ATXN7L1: variants seen among roughly 807,000 people sequenced by gnomAD.
ATXN7L1 encodes ataxin-7-like protein 1.
Under a neutral mutation model 70.8 loss-of-function variants are expected in ATXN7L1, and 15 were observed. The ratio of observed to expected loss-of-function variants is 0.21; its 90% confidence interval spans 0.14 to 0.33. The LOEUF (loss-of-function observed/expected upper bound fraction) is 0.33. Ranked by LOEUF, ATXN7L1 falls within the 10% of genes least tolerant of loss-of-function variation. The probability of loss-of-function intolerance (pLI) is 1.00; values close to 1 mark genes in which losing one functional copy is unlikely to be tolerated. For synonymous variants in ATXN7L1, 440 were observed against 445.1 expected, an observed-to-expected ratio of 0.99 and a Z score of 0.14; for missense variants, 975 against 1,097.1, an observed-to-expected ratio of 0.89 and a Z score of 1.57.
At chr7:105,858,403 A>C (rs1272154708) in intron 2 of ATXN7L1, among the ~76,000 whole-genome samples, 1 of 152,228 alleles carries the variant, frequency 6.6e-6, no homozygotes, top group Non-Finnish European at 1.5e-5. Context: ...AACCAATAAA[A>C]GCAGATCAGA....
At chr7:105,656,095 C>T (rs1800591901) in intron 4 of ATXN7L1, among the ~76,000 whole-genome samples, 1 of 152,264 alleles carries the variant, frequency 6.6e-6, no homozygotes, top group South Asian at 2.1e-4. Context: ...TCCTGCCCAC[C>T]TCAGCCTACA....
intron 4 of ATXN7L1, among the ~76,000 whole-genome samples, chr7:105,659,731 T>C (rs1169558513): frequency 1.3e-5 from 2 of 152,020 alleles, no homozygotes; most frequent in African/African-American, 4.8e-5. Flanking sequence ...CTGTTCTTCT[T>C]CTTCTCACAC....
chr7:105,874,977 A>T (rs912067163), intron 2 of ATXN7L1: 1 of 152,312 alleles, frequency 6.6e-6, no homozygotes, highest in Non-Finnish European at 1.5e-5. Context: ...TGTTTATAAG[A>T]CATCAGTTAG....
At chr7:105,819,311 G>C (rs1271451647) in intron 2 of ATXN7L1, among the ~76,000 whole-genome samples, 1 of 151,992 alleles carries the variant, frequency 6.6e-6, no homozygotes, top group African/African-American at 2.4e-5. Flanking sequence ...CCTCATACGA[G>C]TTTGTACATT....
At chr7:105,655,801 G>A (rs1800536081) in intron 4 of ATXN7L1, among the ~76,000 whole-genome samples, 1 of 152,186 alleles carries the variant, frequency 6.6e-6, no homozygotes, top group Non-Finnish European at 1.5e-5. Context: ...GTTGCTCCGG[G>A]AAGACCCGCC....
chr7:105,614,149 T>A lies in ATXN7L1; in HGVS notation c.2185A>T (p.Ile729Leu). The change falls in exon 10 of 12, where the codon ATA (isoleucine) becomes TTA (leucine). Residue 729 changes from isoleucine to leucine, a missense_variant. Physicochemically the swap from Ile to Leu is conservative, Grantham distance 5 (BLOSUM62 2). Transcript: ENST00000419735. This position sits in a 1 kb window ranked among gnomAD's most constrained non-coding sequence, Gnocchi z 4.3. ...RTSLPGGPAD[I>L]VRQVGAVGGS... is the part of the protein sequence containing the mutation. ...CCCACCGCGCCCACCTGTCTCACTATGTCCGCGGGGCCGCCGGGCAGCGAG... is the reference window on the plus strand; with the variant it reads ...CCCACCGCGCCCACCTGTCTCACTAAGTCCGCGGGGCCGCCGGGCAGCGAG... The A allele has an allele frequency of 1.9e-6, 3 of 1,551,680 alleles. No individual in the cohort carries two copies. Among genetic ancestry groups the A allele is most frequent in the Non-Finnish European group, 2.6e-6 (3 of 1,146,984 alleles).
chr7:105,670,975 G>A (rs1232541174), intron 3 of ATXN7L1, among the ~76,000 whole-genome samples: 6 of 151,940 alleles, frequency 3.9e-5, no homozygotes, highest in Non-Finnish European at 8.8e-5. Context: ...GCGAGGTGGC[G>A]GGCGCCTGTT....
chr7:105,671,529 C>T (rs1473502031), intron 3 of ATXN7L1, among the ~76,000 whole-genome samples: 2 of 152,122 alleles, frequency 1.3e-5, no homozygotes, highest in African/African-American at 4.8e-5. Context: ...TCAATAACAA[C>T]CTCAGTGAAT....
intron 3 of ATXN7L1, among the ~76,000 whole-genome samples, chr7:105,690,896 C>T (rs1790708972): frequency 6.6e-6 from 1 of 152,180 alleles, no homozygotes; most frequent in Non-Finnish European, 1.5e-5. Flanking sequence ...TTAGTTCTTA[C>T]TCAAACATGC....
At chr7:105,761,177 C>T in intron 3 of ATXN7L1, 1 of 1,309,718 alleles carries the variant, frequency 7.6e-7, no homozygotes. Context: ...AGAAGAACCC[C>T]ACAGGTACCC....
At chr7:105,803,299 AG>A (rs1807089787) in intron 2 of ATXN7L1, among the ~76,000 whole-genome samples, 2 of 152,248 alleles carry the variant, frequency 1.3e-5, no homozygotes, top group Admixed American at 1.3e-4. Flanking sequence ...GAAATGGCCA[AG>A]GGCCCTTCTT....
At chr7:105,746,099 G>C (rs559392526) in intron 3 of ATXN7L1, among the ~76,000 whole-genome samples, 1 of 152,000 alleles carries the variant, frequency 6.6e-6, no homozygotes, top group African/African-American at 2.4e-5. Flanking sequence ...AGCAAATCAC[G>C]TGGGCCCTAT....
chr7:105,816,468 A>G (rs1809209968), intron 2 of ATXN7L1, among the ~76,000 whole-genome samples: 1 of 152,218 alleles, frequency 6.6e-6, no homozygotes, highest in South Asian at 2.1e-4. Context: ...AGAAAGAGGA[A>G]GTATTACAAA....
rs368752851 is a variant in ATXN7L1 at position 105,636,444 on chromosome 7, T to TCC, written c.1202+1908_1202+1909insGG. ...GTTACCAACCTGTGTAATGTGTTCC[T>TCC]CTGCCCCCCCCACCCCCACTTCTTT... On this transcript the variant is annotated intron_variant, in intron 7 of 11. Transcript: ENST00000419735. Among the ~76,000 whole-genome samples the TCC allele has an allele frequency of 3.9e-3, 472 of 120,436 alleles. 3 individuals are homozygous for TCC. Among genetic ancestry groups the TCC allele is most frequent in the African/African-American group, 0.011 (396 of 36,660 alleles). The allele number at this position is 120,436 out of a possible 152,430, so 79.0% of individuals were successfully genotyped here.
chr7:105,812,057 A>G (rs1477443329), intron 2 of ATXN7L1, among the ~76,000 whole-genome samples: 1 of 151,978 alleles, frequency 6.6e-6, no homozygotes, highest in African/African-American at 2.4e-5. Flanking sequence ...AATGCTTTGG[A>G]CCACCCCAGG....
intron 2 of ATXN7L1, chr7:105,819,646 T>A (rs1331550586): frequency 9.9e-6 from 9 of 904,648 alleles, no homozygotes; most frequent in Non-Finnish European, 1.7e-5. Context: ...AGATACAAGT[T>A]GAAGTACCTG....
At chr7:105,767,333 G>A (rs2116429005) in intron 3 of ATXN7L1, among the ~76,000 whole-genome samples, 1 of 152,114 alleles carries the variant, frequency 6.6e-6, no homozygotes, top group African/African-American at 2.4e-5. Context: ...CCCTCCATAA[G>A]CCCCTATACT....
intron 3 of ATXN7L1, among the ~76,000 whole-genome samples, chr7:105,730,473 C>A (rs977887734): frequency 6.6e-6 from 1 of 152,156 alleles, no homozygotes; most frequent in Non-Finnish European, 1.5e-5. Flanking sequence ...TGGCTCACGC[C>A]TGTAATCCCA....
At chr7:105,672,178 C>T (rs966982348) in intron 3 of ATXN7L1, among the ~76,000 whole-genome samples, 3 of 151,538 alleles carry the variant, frequency 2.0e-5, no homozygotes, top group South Asian at 2.1e-4. Flanking sequence ...CCCAGGTACT[C>T]GGGAGGCTGA....
Sources: allele counts gnomAD v4.1 joint callset (sites outside exome capture counted in the v4.1 genomes callset), GRCh38; gene constraint gnomAD v4.1.1; non-coding constraint Gnocchi (gnomAD v3.1); transcripts MANE v1.5; gene names NCBI Gene and HGNC (gene_info 2026-07-23, HGNC 2026-07-21).